Variants in CCDC178 observed in about 807,000 individuals in gnomAD.
CCDC178 encodes coiled-coil domain containing 178.
CCDC178 carries 126 observed loss-of-function variants against 117.4 expected under a neutral mutation model. That is an observed-to-expected ratio of 1.07 (90% CI 0.93 to 1.24). The LOEUF (loss-of-function observed/expected upper bound fraction) is 1.24, where lower values mean the gene tolerates loss of function less well. Ranked by LOEUF, CCDC178 falls within the 50% of genes most tolerant of loss-of-function variation. The probability of loss-of-function intolerance (pLI) is 0.00; values close to 1 mark genes in which losing one functional copy is unlikely to be tolerated. For synonymous variants in CCDC178, 283 were observed against 313.4 expected, an observed-to-expected ratio of 0.90 and a Z score of 1.02; for missense variants, 1,030 against 986.9, an observed-to-expected ratio of 1.04 and a Z score of -0.59.
chr18:33,079,512 T>G (rs2057264159), intron 21 of CCDC178, among the ~76,000 whole-genome samples: 1 of 151,984 alleles, frequency 6.6e-6, no homozygotes, highest in Non-Finnish European at 1.5e-5. Flanking sequence ...TGGGAGAAAA[T>G]TTTTGCAAAC....
chr18:33,091,350 T>TTTTTTTTTTTTTTTTTTTTTTC (rs2057462410), intron 21 of CCDC178, among the ~76,000 whole-genome samples: 1 of 121,618 alleles, frequency 8.2e-6, no homozygotes, highest in Non-Finnish European at 1.7e-5. Context: ...TTTTTTTTTT[T>TTTTTTTTTTTTTTTTTTTTTTC]TTTTGAGACG....
At chr18:33,437,840 T>A (rs1369812948) in intron 2 of CCDC178, 5 of 152,122 alleles carry the variant, frequency 3.3e-5, no homozygotes, top group Non-Finnish European at 7.3e-5. Flanking sequence ...AATAAGATAA[T>A]GTGTACAGAA....
In CCDC178 at chr18:33,346,298, G is replaced by C; in HGVS notation, c.571C>G (p.Gln191Glu). The C allele has an allele frequency of 6.2e-7, 1 of 1,613,740 alleles. No homozygotes were observed. Among genetic ancestry groups the C allele is most frequent in the Non-Finnish European group, 8.5e-7 (1 of 1,179,772 alleles). ...TTAATCATATTCTTTCTTGATCTCTGTTGTTTTAAAGCTTCTTCAGCGTCT... is the reference window on the plus strand; with the variant it reads ...TTAATCATATTCTTTCTTGATCTCTCTTGTTTTAAAGCTTCTTCAGCGTCT... ...RADAEEALKQ[Q>E]RSRKNMINMK... Residue 191 changes from glutamine to glutamate, a missense_variant, in exon 9 of 23, where the codon CAG becomes GAG. Gln to Glu is a conservative substitution (Grantham distance 29). Transcript: ENST00000383096.
chr18:33,287,754 G>C (rs1483293767), intron 12 of CCDC178, among the ~76,000 whole-genome samples: 1 of 151,908 alleles, frequency 6.6e-6, no homozygotes, highest in African/African-American at 2.4e-5. Context: ...ATTCCAGCCT[G>C]GGCAACAGAG....
At position 33,254,059 on chromosome 18, in the gene CCDC178, G is replaced by A. The variant is rs186546307; in HGVS notation, c.1410-8631C>T. 1.1e-3 allele frequency among the ~76,000 whole-genome samples: 172 copies of A among 151,728 alleles called. 1 individual carries two copies. The highest frequency in any genetic ancestry group is 3.4e-3 in the Middle Eastern group (1 of 294). ...TTTAGTGAGATGACGCACAATGAGA[G>A]GGAAAAAATATAAGAAAAATAATCA... is the stretch of plus-strand genomic sequence containing the variant. On this transcript the variant is annotated intron_variant, in intron 14 of 22. Transcript: ENST00000383096.
At chr18:33,018,011 A>C (rs1699008159) in intron 21 of CCDC178, among the ~76,000 whole-genome samples, 1 of 152,086 alleles carries the variant, frequency 6.6e-6, no homozygotes, top group African/African-American at 2.4e-5. Flanking sequence ...AAGGAATCAG[A>C]CAAACTACTT....
In CCDC178 at chr18:33,224,757, G is replaced by T. The variant is rs1599021924; in HGVS notation, c.1818+18C>A. On this transcript the variant is annotated intron_variant, in intron 17 of 22. Coordinates refer to ENST00000383096, the MANE Select transcript of CCDC178 (RefSeq NM_001105528.4). ...ATATATTTCTGCACATTAATTTTTG[G>T]ATTAATTAAATGCTTACAACAGAAT... 1 of 1,407,044 alleles carries T rather than the reference G, an allele frequency of 7.1e-7. No homozygotes were observed. Among genetic ancestry groups the T allele is most frequent in the Non-Finnish European group, 9.5e-7 (1 of 1,057,278 alleles). 87.2% of individuals were successfully genotyped at this position (1,407,044 alleles called of 1,614,324 possible).
At chr18:33,075,629 C>T (rs534029286) in intron 21 of CCDC178, among the ~76,000 whole-genome samples, 1 of 152,026 alleles carries the variant, frequency 6.6e-6, no homozygotes, top group Non-Finnish European at 1.5e-5. Context: ...TAAGAAATAA[C>T]TTGACTAGAT....
In CCDC178 at chr18:33,225,077, G is replaced by A. The variant is rs976247558; in HGVS notation, c.1657-141C>T. 19 of 358,376 alleles carry A rather than the reference G, an allele frequency of 5.3e-5. No homozygotes were observed. In the South Asian group the frequency reaches 1.0e-3, roughly 19 times the overall value. The allele number at this position is 358,376 out of a possible 1,614,324, so 22.2% of individuals were successfully genotyped here. A position where few individuals can be genotyped will look rare whatever the true frequency, so the allele number is the denominator to read the frequency against. On this transcript the variant is annotated intron_variant, in intron 16 of 22. Transcript: ENST00000383096. ...AAATGTCACCATAAAAAATGGATAC[G>A]AATGTAATATATATTACATATATTA...
In CCDC178 at chr18:33,286,263, C is replaced by T. The variant is rs114658495; in HGVS notation, c.1176+6896G>A. Among the ~76,000 whole-genome samples, 718 of 152,152 alleles carry T rather than the reference C, an allele frequency of 4.7e-3. 4 individuals carry two copies. The highest frequency in any genetic ancestry group is 0.017 in the African/African-American group (686 of 41,514). On this transcript the variant is annotated intron_variant, in intron 12 of 22. Coordinates refer to ENST00000383096, the MANE Select transcript of CCDC178 (RefSeq NM_001105528.4). ...GTGCTGGGATTACAGGCATGAGCCA[C>T]CACGCCTGGCCAGCAATGTGTATTT...
intron 20 of CCDC178, among the ~76,000 whole-genome samples, chr18:33,201,525 A>C (rs1275004559): frequency 6.6e-6 from 1 of 152,182 alleles, no homozygotes; most frequent in Admixed American, 6.5e-5. Context: ...GACTGATGCG[A>C]ATGTCTCTGG....
At chr18:33,147,491 G>A (rs1194243976) in intron 20 of CCDC178, among the ~76,000 whole-genome samples, 1 of 151,038 alleles carries the variant, frequency 6.6e-6, no homozygotes, top group South Asian at 2.1e-4. Flanking sequence ...AGGGTCTCTG[G>A]TTTTCCTAGG....
chr18:33,171,231 T>C (rs1294469192), intron 20 of CCDC178, among the ~76,000 whole-genome samples: 1 of 152,186 alleles, frequency 6.6e-6, no homozygotes, highest in Non-Finnish European at 1.5e-5. Flanking sequence ...CTACATATCC[T>C]AGCAGACACT....
intron 14 of CCDC178, among the ~76,000 whole-genome samples, chr18:33,257,627 T>C (rs1007615698): frequency 6.6e-6 from 1 of 152,126 alleles, no homozygotes; most frequent in African/African-American, 2.4e-5. Flanking sequence ...GTGAGCTCTG[T>C]GTATGCCCCA....
At chr18:33,256,901 A>G (rs67002875) in intron 14 of CCDC178, among the ~76,000 whole-genome samples, 10,235 of 152,028 alleles carry the variant, frequency 0.067, 512 homozygotes, top group African/African-American at 0.14. Flanking sequence ...ATAGTGTTCT[A>G]TTAGTTTGTT....
chr18:33,371,225 A>G (rs2063293962), intron 5 of CCDC178, among the ~76,000 whole-genome samples: 1 of 151,986 alleles, frequency 6.6e-6, no homozygotes, highest in South Asian at 2.1e-4. Flanking sequence ...TTTCATTTAT[A>G]AATAAAAGTG....
chr18:33,235,156 G>T lies in CCDC178; in HGVS notation c.1594-8301C>A, dbSNP rs118166175. Among the ~76,000 whole-genome samples, 545 of 152,244 alleles carry T rather than the reference G, an allele frequency of 3.6e-3. 12 individuals are homozygous for T. The East Asian group carries it at 0.051, about 14-fold the overall frequency. ...GGTCTGAGAACATAAAGAACAGTTT[G>T]AGATTAGTTAAAATATCTGAAAAAG... On this transcript the variant is annotated intron_variant, in intron 15 of 22. Coordinates refer to ENST00000383096, the MANE Select transcript of CCDC178 (RefSeq NM_001105528.4).
chr18:33,105,487 T>C (rs1319979905), intron 20 of CCDC178, among the ~76,000 whole-genome samples: 1 of 151,628 alleles, frequency 6.6e-6, no homozygotes, highest in African/African-American at 2.4e-5. Context: ...AGAAAATAGA[T>C]GAACTAATTA....
At chr18:33,250,488 G>A (rs938724272) in intron 14 of CCDC178, among the ~76,000 whole-genome samples, 25 of 151,658 alleles carry the variant, frequency 1.6e-4, no homozygotes, top group African/African-American at 5.8e-4. Flanking sequence ...AAACATTAGT[G>A]CAGCAACAGT....
Sources: allele counts gnomAD v4.1 joint callset (sites outside exome capture counted in the v4.1 genomes callset), GRCh38; gene constraint gnomAD v4.1.1; transcripts MANE v1.5; gene names NCBI Gene and HGNC (gene_info 2026-07-23, HGNC 2026-07-21).